MICU3: variants seen among roughly 807,000 people sequenced by gnomAD.
MICU3 encodes the protein calcium uptake protein 3, mitochondrial.
Under a neutral mutation model 66.5 loss-of-function variants are expected in MICU3, and 62 were observed. The ratio of observed to expected loss-of-function variants is 0.93; its 90% CI spans 0.76 to 1.15. The LOEUF is 1.15. Ranked by LOEUF, MICU3 falls within the 50% of genes most tolerant of loss-of-function variation. MICU3 has a pLI of 0.00. For synonymous variants in MICU3, 308 were observed against 240.7 expected, an observed-to-expected ratio of 1.28 and a Z score of -2.59; for missense variants, 779 against 664.4, an observed-to-expected ratio of 1.17 and a Z score of -1.90.
At chr8:17,070,584 AC>A (rs1253734607) in intron 3 of MICU3, among the ~76,000 whole-genome samples, 5 of 151,932 alleles carry the variant, frequency 3.3e-5, no homozygotes, top group East Asian at 1.9e-4. Flanking sequence ...TTTTAAGTTA[AC>A]TATTTCTTAA....
chr8:17,066,545 T>TATATA (rs1563321465), intron 2 of MICU3, among the ~76,000 whole-genome samples: 12 of 53,986 alleles, frequency 2.2e-4, no homozygotes, highest in East Asian at 3.7e-4. Flanking sequence ...ATATATAGAT[T>TATATA]TTTTTTTTTT....
chr8:17,105,960 AC>A (rs1270656176), intron 11 of MICU3, among the ~76,000 whole-genome samples: 1 of 151,964 alleles, frequency 6.6e-6, no homozygotes, highest in Admixed American at 6.6e-5. Flanking sequence ...TTTCCGTAAC[AC>A]CCTTAATAAA....
At chr8:17,053,942 T>G (rs1262183469) in intron 1 of MICU3, among the ~76,000 whole-genome samples, 3 of 152,194 alleles carry the variant, frequency 2.0e-5, no homozygotes, top group Non-Finnish European at 2.9e-5. Flanking sequence ...ATCTTTTAGC[T>G]CTCGATTTCT....
intron 2 of MICU3, among the ~76,000 whole-genome samples, chr8:17,066,815 G>A (rs1486176559): frequency 2.6e-5 from 4 of 151,866 alleles, no homozygotes; most frequent in Admixed American, 2.6e-4. Flanking sequence ...CCAAAGTGCT[G>A]GGATTACAGG....
At chr8:17,050,370 C>A (rs975686800) in intron 1 of MICU3, among the ~76,000 whole-genome samples, 27 of 151,612 alleles carry the variant, frequency 1.8e-4, no homozygotes, top group Non-Finnish European at 1.2e-4. Context: ...GACACATGTA[C>A]TTCTAGTTAA....
At chr8:17,033,589 A>G (rs981092470) in intron 1 of MICU3, among the ~76,000 whole-genome samples, 1 of 151,848 alleles carries the variant, frequency 6.6e-6, no homozygotes, top group Non-Finnish European at 1.5e-5. Flanking sequence ...GGCTCCCACC[A>G]CCACACCCAG....
At chr8:17,076,429 C>T (rs1820397206) in intron 3 of MICU3, among the ~76,000 whole-genome samples, 1 of 152,116 alleles carries the variant, frequency 6.6e-6, no homozygotes, top group Non-Finnish European at 1.5e-5. Flanking sequence ...ACAATTCGGA[C>T]CTGAATTATT....
chr8:17,104,283 C>A, intron 9 of MICU3, 108 bp from the exon 10 acceptor site: 1 of 449,096 alleles, frequency 2.2e-6, no homozygotes, highest in Non-Finnish European at 4.0e-6. Flanking sequence ...AATATATTTA[C>A]ATTCTTGATG....
At chr8:17,062,258 C>T (rs77589281) in intron 1 of MICU3, among the ~76,000 whole-genome samples, 2,218 of 152,222 alleles carry the variant, frequency 0.015, 46 homozygotes, top group Admixed American at 0.029. Context: ...TCTTTTTAAG[C>T]CCAGCCTATG....
intron 5 of MICU3, among the ~76,000 whole-genome samples, chr8:17,082,148 C>G (rs1282142458): frequency 8.1e-5 from 12 of 147,778 alleles, no homozygotes. Flanking sequence ...TCTAAAACTT[C>G]TATTTTCTCC....
At position 17,077,814 on chromosome 8, in the gene MICU3, C is replaced by T; in HGVS notation, c.599C>T (p.Pro200Leu). 1 of 1,611,694 alleles carries T rather than the reference C, an allele frequency of 6.2e-7. No homozygotes were observed. Among genetic ancestry groups the T allele is most frequent in the Non-Finnish European group, 8.5e-7 (1 of 1,178,500 alleles). The change falls in exon 4 of 15, where the codon CCA becomes CTA. Residue 200 changes from proline (P) to leucine (L), a missense_variant. Transcript: ENST00000318063. Reference sequence around the variant, plus strand: ...AATCAAATGCTCGCAGAAACACCACCAGTTTGGAAAGGCTCATCGAAGCTA... The same window carrying T: ...AATCAAATGCTCGCAGAAACACCACTAGTTTGGAAAGGCTCATCGAAGCTA... Reference protein sequence around the residue: ...ELNQMLAETPPVWKGSSKLFR... With the variant: ...ELNQMLAETPLVWKGSSKLFR...
At chr8:17,099,129 G>C (rs1248901263) in intron 9 of MICU3, among the ~76,000 whole-genome samples, 1 of 151,748 alleles carries the variant, frequency 6.6e-6, no homozygotes, top group East Asian at 1.9e-4. Flanking sequence ...CTGCTGCATC[G>C]GAGTGGGCTG....
rs982343687 is a variant in MICU3 at position 17,121,785 on chromosome 8, C to G, written c.*1498C>G. ...ATTGTTTATCTAATATTATTTATGA[C>G]AGTAATTTTAAAATATATTATTCAT... On this transcript the variant is annotated 3_prime_UTR_variant, in exon 15 of 15. Coordinates refer to ENST00000318063, the MANE Select transcript of MICU3 (RefSeq NM_181723.3). 6.6e-6 allele frequency: 1 copy of G among 151,912 alleles called. No homozygotes were observed. 9.4% of individuals were successfully genotyped at this position (151,912 alleles called of 1,614,324 possible). A position where few individuals can be genotyped will look rare whatever the true frequency, so the allele number is the denominator to read the frequency against.
chr8:17,036,621 A>G (rs1231317614), intron 1 of MICU3, among the ~76,000 whole-genome samples: 2 of 152,186 alleles, frequency 1.3e-5, no homozygotes, highest in Non-Finnish European at 2.9e-5. Context: ...GAGCAGCTAG[A>G]TACAGATTGT....
intron 1 of MICU3, among the ~76,000 whole-genome samples, chr8:17,031,160 G>A (rs928106213): frequency 2.6e-4 from 39 of 151,884 alleles, no homozygotes; most frequent in Non-Finnish European, 4.3e-4. Context: ...CAAGCCTGCC[G>A]TGGGCTATTA....
At chr8:17,055,797 CT>C (rs1816831159) in intron 1 of MICU3, among the ~76,000 whole-genome samples, 1 of 152,216 alleles carries the variant, frequency 6.6e-6, no homozygotes, top group African/African-American at 2.4e-5. Context: ...AAGACACACA[CT>C]TGTGTTGTGT....
chr8:17,125,849 G>A (rs1475280171), downstream of MICU3, among the ~76,000 whole-genome samples: 1 of 151,964 alleles, frequency 6.6e-6, no homozygotes, highest in Non-Finnish European at 1.5e-5. Flanking sequence ...GACCGAGATG[G>A]TGAAACCCCA....
intron 1 of MICU3, among the ~76,000 whole-genome samples, chr8:17,061,294 G>C (rs1028758303): frequency 6.6e-5 from 10 of 152,130 alleles, no homozygotes; most frequent in African/African-American, 2.4e-4. Context: ...GCAGTGGTCA[G>C]GTGGGTTTGG....
At chr8:17,110,366 C>T (rs1166614985) in intron 11 of MICU3, among the ~76,000 whole-genome samples, 2 of 152,072 alleles carry the variant, frequency 1.3e-5, no homozygotes, top group Non-Finnish European at 2.9e-5. Flanking sequence ...TACTTCTAAA[C>T]CATTTTCCTC....
Sources: gnomAD v4.1 joint callset for allele counts (sites outside exome capture counted in the v4.1 genomes callset) on GRCh38, gnomAD v4.1.1 for gene constraint, MANE v1.5 for transcripts, NCBI Gene and HGNC (gene_info 2026-07-23, HGNC 2026-07-21) for gene names.